CNOT2: variants seen among roughly 807,000 people sequenced by gnomAD.
CNOT2 encodes CC chemokine receptor 4-negative regulator of transcription 2.
CNOT2 carries 7 observed loss-of-function variants against 72.1 expected under a neutral mutation model. That is an observed-to-expected ratio of 0.10 (90% CI 0.06 to 0.18). The LOEUF (loss-of-function observed/expected upper bound fraction) is 0.18. Among genes scored for constraint, CNOT2 ranks in the 10% least tolerant of loss-of-function variants. CNOT2 has a pLI of 1.00. For missense variants in CNOT2, 345 were observed against 660.3 expected (o/e 0.52, Z 5.23); for synonymous variants, 196 against 225.6 (o/e 0.87, Z 1.17).
At chr12:70,268,208 T>A (rs1203797875) in intron 1 of CNOT2, among the ~76,000 whole-genome samples, 1 of 152,214 alleles carries the variant, frequency 6.6e-6, no homozygotes, top group Non-Finnish European at 1.5e-5. Flanking sequence ...TTCACCTTTG[T>A]TTTTGAAGGA....
intron 2 of CNOT2, among the ~76,000 whole-genome samples, chr12:70,293,351 G>GAAAA (rs1872265670): frequency 2.0e-5 from 3 of 151,714 alleles, no homozygotes; most frequent in Non-Finnish European, 4.4e-5. Context: ...ATAGAGAAGG[G>GAAAA]TTTCTCCATG....
chr12:70,288,906 C>T (rs1358636654), intron 2 of CNOT2, among the ~76,000 whole-genome samples: 1 of 152,146 alleles, frequency 6.6e-6, no homozygotes, highest in South Asian at 2.1e-4. Context: ...AATGTTATTT[C>T]TGCGTTTTAT....
intron 1 of CNOT2, among the ~76,000 whole-genome samples, chr12:70,247,061 C>T (rs1021200438): frequency 2.6e-5 from 4 of 152,046 alleles, no homozygotes; most frequent in Non-Finnish European, 5.9e-5. Flanking sequence ...CTGGGCACTT[C>T]AGGGTTTTGT....
chr12:70,293,935 T>G (rs1186365936), intron 2 of CNOT2: 1 of 209,786 alleles, frequency 4.8e-6, no homozygotes, highest in Non-Finnish European at 9.9e-6. Context: ...TTTTTTTTTT[T>G]TTTTTAAACT....
intron 2 of CNOT2, among the ~76,000 whole-genome samples, chr12:70,310,049 C>A (rs183164139): frequency 6.6e-6 from 1 of 152,044 alleles, no homozygotes; most frequent in Admixed American, 6.5e-5. Flanking sequence ...ATTTATATAG[C>A]ATTTACATTG....
At chr12:70,293,350 G>A (rs951236384) in intron 2 of CNOT2, among the ~76,000 whole-genome samples, 4 of 151,844 alleles carry the variant, frequency 2.6e-5, no homozygotes, top group Admixed American at 6.6e-5. Flanking sequence ...AATAGAGAAG[G>A]GTTTCTCCAT....
chr12:70,276,960 AT>A (rs549392771), intron 1 of CNOT2, among the ~76,000 whole-genome samples: 220 of 151,368 alleles, frequency 1.5e-3, no homozygotes, highest in Non-Finnish European at 2.6e-3. Flanking sequence ...TTCATTTTTA[AT>A]TTTTTTTTAA....
intron 1 of CNOT2, among the ~76,000 whole-genome samples, chr12:70,264,993 C>T (rs115429666): frequency 4.9e-4 from 75 of 152,052 alleles, no homozygotes; most frequent in African/African-American, 1.5e-3. Flanking sequence ...CTGGATAAAC[C>T]TTACTTGTTC....
intron 1 of CNOT2, among the ~76,000 whole-genome samples, chr12:70,248,512 G>A (rs2135690764): frequency 6.6e-6 from 1 of 152,126 alleles, no homozygotes; most frequent in Admixed American, 6.5e-5. Context: ...GTTGCCATTG[G>A]CAGATGTTAC....
intron 2 of CNOT2, chr12:70,294,096 T>C (rs1451858584): frequency 7.8e-7 from 1 of 1,283,626 alleles, no homozygotes; most frequent in Non-Finnish European, 1.0e-6. Context: ...TCGTTTATCA[T>C]GTTCTGGTTG....
At chr12:70,288,615 T>TA (rs1230825970) in intron 2 of CNOT2, among the ~76,000 whole-genome samples, 1 of 152,228 alleles carries the variant, frequency 6.6e-6, no homozygotes, top group African/African-American at 2.4e-5. Flanking sequence ...CTTAAAAATG[T>TA]AACCTCTGTT....
chr12:70,326,372 A>C (rs1298584833), intron 4 of CNOT2, among the ~76,000 whole-genome samples: 1 of 151,112 alleles, frequency 6.6e-6, no homozygotes, highest in Non-Finnish European at 1.5e-5. Flanking sequence ...GCTCATATAC[A>C]AGCTCATTTA....
At chr12:70,275,561 T>C (rs1184882041) in intron 1 of CNOT2, among the ~76,000 whole-genome samples, 1 of 152,130 alleles carries the variant, frequency 6.6e-6, no homozygotes, top group African/African-American at 2.4e-5. Context: ...TCATATATTT[T>C]GTCTAGTTTT....
rs117696637 is a variant in CNOT2, at chr12:70,340,773, C to T, written c.1179-1334C>T. ...TGGGGGTCCCTGATTGTCCTTATAC[C>T]CCTTCCCGTACAATCTCTTCATATA... On this transcript the variant is annotated intron_variant, in intron 11 of 15. Coordinates refer to ENST00000229195, the MANE Select transcript of CNOT2 (RefSeq NM_014515.7). 4.7e-3 allele frequency among the ~76,000 whole-genome samples: 721 copies of T among 152,118 alleles called. 8 individuals carry two copies. The highest frequency in any genetic ancestry group is 5.9e-3 in the Non-Finnish European group (398 of 67,984).
rs200157508 is a variant in CNOT2 at position 70,285,221 on chromosome 12, T to TG, written c.48+6947_48+6948insG. Among the ~76,000 whole-genome samples the TG allele has an allele frequency of 5.3e-3, 799 of 152,152 alleles. 7 individuals are homozygous for TG. Among genetic ancestry groups the TG allele is most frequent in the African/African-American group, 0.018 (744 of 41,516 alleles). ...TTGATTTTGTTTTTGTTTTTGTTTTTTTTTTTTAGACGAACTCTTGCTCTG... is the reference window on the plus strand; with the variant it reads ...TTGATTTTGTTTTTGTTTTTGTTTTTGTTTTTTTAGACGAACTCTTGCTCTG... On this transcript the variant is annotated intron_variant, in intron 2 of 15. Transcript: ENST00000229195.
intron 2 of CNOT2, among the ~76,000 whole-genome samples, chr12:70,308,155 T>TA (rs768841347): frequency 1.1e-4 from 17 of 152,222 alleles, no homozygotes; most frequent in Non-Finnish European, 2.4e-4. Flanking sequence ...CCTGGTCAGT[T>TA]ACTTCTCTGC....
intron 2 of CNOT2, 88 bp from the exon 3 acceptor site, chr12:70,310,807 C>G: frequency 1.8e-6 from 2 of 1,127,818 alleles, no homozygotes; most frequent in South Asian, 1.5e-5. Flanking sequence ...GCAATGCTCC[C>G]TTCATGTTCT....
At chr12:70,350,274 A>G (rs1220589874) in intron 15 of CNOT2, among the ~76,000 whole-genome samples, 1 of 152,154 alleles carries the variant, frequency 6.6e-6, no homozygotes, top group African/African-American at 2.4e-5. Context: ...CTTTCGGCCT[A>G]ATTTGACCTC....
At chr12:70,352,813 TATC>T (rs993183275) in intron 15 of CNOT2, among the ~76,000 whole-genome samples, 9 of 152,182 alleles carry the variant, frequency 5.9e-5, no homozygotes, top group East Asian at 5.8e-4. Flanking sequence ...GGGTGGGAAG[TATC>T]ATGAAGAAAT....
Sources: gnomAD v4.1 joint callset for allele counts (sites outside exome capture counted in the v4.1 genomes callset) on GRCh38, gnomAD v4.1.1 for gene constraint, MANE v1.5 for transcripts, NCBI Gene and HGNC (gene_info 2026-07-23, HGNC 2026-07-21) for gene names.